USP15: variants seen among roughly 807,000 people sequenced by gnomAD.
The protein encoded by USP15 is ubiquitin specific peptidase 15.
Under a neutral mutation model 127.1 loss-of-function variants are expected in USP15, and 18 were observed. The observed-to-expected ratio is 0.14, with a 90% CI of 0.10 to 0.21. The LOEUF (loss-of-function observed/expected upper bound fraction) is 0.21, where lower values mean the gene tolerates loss of function less well. Ranked by LOEUF, USP15 falls within the 10% of genes least tolerant of loss-of-function variation. The pLI, the probability that USP15 is intolerant of heterozygous loss-of-function variation, is 1.00. For synonymous variants in USP15, 364 were observed against 393.7 expected (o/e 0.92, Z 0.89); for missense variants, 805 against 1,159.9 (o/e 0.69, Z 4.44).
intron 3 of USP15, among the ~76,000 whole-genome samples, chr12:62,313,361 T>G (rs1412248901): frequency 2.0e-5 from 3 of 151,636 alleles, no homozygotes; most frequent in African/African-American, 7.2e-5. Flanking sequence ...GGGGGTTTTG[T>G]TTTTTAACCA....
chr12:62,346,765 A>G (rs886443627), intron 6 of USP15, among the ~76,000 whole-genome samples: 1 of 152,214 alleles, frequency 6.6e-6, no homozygotes, highest in African/African-American at 2.4e-5. Flanking sequence ...AGATTTCTTC[A>G]TAGAATATAA....
At chr12:62,270,488 G>C (rs1247772840) in intron 1 of USP15, among the ~76,000 whole-genome samples, 1 of 152,040 alleles carries the variant, frequency 6.6e-6, no homozygotes, top group Non-Finnish European at 1.5e-5. Flanking sequence ...AAGTTTTGTA[G>C]TTCTGGCTCT....
At chr12:62,282,345 A>G in intron 1 of USP15, among the ~76,000 whole-genome samples, 1 of 152,274 alleles carries the variant, frequency 6.6e-6, no homozygotes, top group Non-Finnish European at 1.5e-5. Context: ...AAAAATAAAT[A>G]AATAAGTTTA....
intron 1 of USP15, among the ~76,000 whole-genome samples, chr12:62,289,895 AT>A (rs2063908387): frequency 6.6e-6 from 1 of 152,028 alleles, no homozygotes; most frequent in African/African-American, 2.4e-5. Context: ...ATGTTGCTGA[AT>A]TTCCATGTAT....
At chr12:62,279,029 G>T (rs538968952) in intron 1 of USP15, 2 of 152,012 alleles carry the variant, frequency 1.3e-5, no homozygotes, top group Non-Finnish European at 2.9e-5. Flanking sequence ...TACTTAACAT[G>T]AGCGCTGCCC....
At chr12:62,324,657 A>C (rs1028153924) in intron 5 of USP15, among the ~76,000 whole-genome samples, 1 of 151,996 alleles carries the variant, frequency 6.6e-6, no homozygotes, top group Non-Finnish European at 1.5e-5. Context: ...TACATGGTAC[A>C]TTTATTTTTT....
At chr12:62,346,573 C>CT (rs1335325675) in intron 6 of USP15, among the ~76,000 whole-genome samples, 1 of 152,158 alleles carries the variant, frequency 6.6e-6, no homozygotes, top group Non-Finnish European at 1.5e-5. Context: ...TGCCCTTGCC[C>CT]ACTCTACTTT....
chr12:62,351,161 C>T (rs1464426520), intron 7 of USP15, among the ~76,000 whole-genome samples: 1 of 151,576 alleles, frequency 6.6e-6, no homozygotes, highest in East Asian at 1.9e-4. Flanking sequence ...TTCAGTAATT[C>T]ATAAAAAGAT....
At chr12:62,301,407 T>C (rs1056893773) in intron 2 of USP15, among the ~76,000 whole-genome samples, 1 of 152,204 alleles carries the variant, frequency 6.6e-6, no homozygotes, top group Non-Finnish European at 1.5e-5. Context: ...ACAGTGTTAT[T>C]TGTAATAGAA....
rs2067061282 is a variant in USP15 at position 62,383,788 on chromosome 12, A to G, written c.1090-52A>G. ...ATGAGAATCTATTGTACATATGTTT[A>G]AAAATCAACCCTGTTCCTAGAACTG... On this transcript the variant is annotated intron_variant, in intron 9 of 21. Coordinates refer to ENST00000280377, the MANE Select transcript of USP15 (RefSeq NM_001252078.2). 21 of 1,564,450 alleles carry G rather than the reference A, an allele frequency of 1.3e-5. No individual in the cohort carries two copies. The South Asian group carries it at 2.3e-4, about 17-fold the overall frequency.
chr12:62,378,598 G>A (rs529242821), intron 8 of USP15, among the ~76,000 whole-genome samples: 2 of 152,116 alleles, frequency 1.3e-5, no homozygotes, highest in South Asian at 4.1e-4. Context: ...ATGTATCACT[G>A]TGAAAATAAA....
At chr12:62,399,265 G>A (rs776113931) in intron 20 of USP15, among the ~76,000 whole-genome samples, 9 of 152,178 alleles carry the variant, frequency 5.9e-5, no homozygotes, top group Non-Finnish European at 1.2e-4. Context: ...GCTTAGCAGA[G>A]GTCCTGTGTA....
intron 12 of USP15, 36 bp from the exon 13 acceptor site, chr12:62,389,569 G>A (rs1379988763): frequency 5.6e-6 from 9 of 1,609,980 alleles, no homozygotes; most frequent in Non-Finnish European, 7.6e-6. Context: ...TCTCAGTGCT[G>A]TAAAACCAGC....
At chr12:62,399,424 A>G (rs1034684417) in intron 20 of USP15, among the ~76,000 whole-genome samples, 3 of 152,210 alleles carry the variant, frequency 2.0e-5, no homozygotes, top group African/African-American at 7.2e-5. Flanking sequence ...TTAGCCCAAC[A>G]GGACTTTTAA....
At chr12:62,343,480 G>A (rs2065711258) in intron 6 of USP15, among the ~76,000 whole-genome samples, 1 of 152,182 alleles carries the variant, frequency 6.6e-6, no homozygotes, top group Non-Finnish European at 1.5e-5. Flanking sequence ...CCTACAGCTA[G>A]CTCAGTGCCT....
chr12:62,338,099 A>G (rs1592619254), intron 6 of USP15, among the ~76,000 whole-genome samples: 1 of 152,312 alleles, frequency 6.6e-6, no homozygotes, highest in East Asian at 1.9e-4. Context: ...TCCCACCAGT[A>G]GTGTAAAAGC....
Position 62,413,431 on chromosome 12 carries a change from C to G in USP15, c.*9056C>G, listed in dbSNP as rs549322153. 1 of 152,328 alleles carries G rather than the reference C, an allele frequency of 6.6e-6. No homozygotes were observed. Among genetic ancestry groups the G allele is most frequent in the South Asian group, 2.1e-4 (1 of 4,830 alleles). 9.4% of individuals were successfully genotyped at this position (152,328 alleles called of 1,614,324 possible). ...ATGACATCTTCCAACATAAGACTTT[C>G]ATCTACATTGAAAGTTTGTTTTTAG... On this transcript the variant is annotated 3_prime_UTR_variant, in exon 22 of 22. Transcript: ENST00000280377.
intron 2 of USP15, among the ~76,000 whole-genome samples, chr12:62,295,178 C>T (rs551930911): frequency 1.3e-5 from 2 of 152,198 alleles, no homozygotes; most frequent in Non-Finnish European, 2.9e-5. Flanking sequence ...ACTATTAAAC[C>T]GCACTTTGCA....
intron 2 of USP15, among the ~76,000 whole-genome samples, chr12:62,295,026 T>C (rs1183286836): frequency 1.3e-5 from 2 of 152,174 alleles, no homozygotes; most frequent in East Asian, 1.9e-4. Flanking sequence ...AGACCCTTGC[T>C]ATCTCCCTTA....
Sources: allele counts gnomAD v4.1 joint callset (sites outside exome capture counted in the v4.1 genomes callset), GRCh38; gene constraint gnomAD v4.1.1; transcripts MANE v1.5; gene names NCBI Gene and HGNC (gene_info 2026-07-23, HGNC 2026-07-21).